VWA3B: variants seen among roughly 807,000 people sequenced by gnomAD.
VWA3B encodes the protein von Willebrand factor A domain containing 3B.
A neutral mutation model predicts 158.3 loss-of-function variants in VWA3B; 138 were observed. The observed-to-expected ratio is 0.87, with a 90% CI of 0.76 to 1.00. The LOEUF (loss-of-function observed/expected upper bound fraction) is 1.00, where lower values mean the gene tolerates loss of function less well. VWA3B is among the 50% of genes least tolerant of loss of function. The pLI is 0.00. For missense variants in VWA3B, 1,555 were observed against 1,565.1 expected (o/e 0.99, Z 0.11); for synonymous variants, 596 against 587.3 (o/e 1.01, Z -0.21).
At chr2:98,088,981 T>C (rs1460413407) in intron 1 of VWA3B, among the ~76,000 whole-genome samples, 2 of 152,146 alleles carry the variant, frequency 1.3e-5, no homozygotes, top group Admixed American at 6.5e-5. Context: ...CTCAAGCTCC[T>C]GACCTCAGGT....
chr2:98,188,763 G>C (rs933460796), intron 10 of VWA3B, among the ~76,000 whole-genome samples: 8 of 152,156 alleles, frequency 5.3e-5, no homozygotes, highest in African/African-American at 1.9e-4. Flanking sequence ...ACATTGTTAA[G>C]TCAAGGTTGC....
chr2:98,122,766 CCTT>C (rs1675064953), intron 5 of VWA3B, among the ~76,000 whole-genome samples: 2 of 152,230 alleles, frequency 1.3e-5, no homozygotes, highest in Admixed American at 6.5e-5. Context: ...CTGTTTCACT[CCTT>C]CTGGTTCGTG....
chr2:98,098,504 T>C (rs1682866685), intron 2 of VWA3B, among the ~76,000 whole-genome samples: 1 of 152,176 alleles, frequency 6.6e-6, no homozygotes, highest in African/African-American at 2.4e-5. Flanking sequence ...ACTTAAAATA[T>C]ATTTTATCTG....
At position 98,193,136 on chromosome 2, in the gene VWA3B, C is replaced by G. The variant is rs1681742092; in HGVS notation, c.1605+100C>G. On this transcript the variant is annotated intron_variant, in intron 11 of 27. Coordinates refer to ENST00000477737, the MANE Select transcript of VWA3B (RefSeq NM_144992.5). ...TTGCTCTAAAAAATTCCTAAGAAAG[C>G]CAAATTCAGAGAAGTACTCCCTTTT... 2.8e-6 allele frequency: 4 copies of G among 1,437,716 alleles called. No homozygotes were observed. The Admixed American group carries it at 9.5e-5, about 34-fold the overall frequency. The allele number at this position is 1,437,716 out of a possible 1,614,324, so 89.1% of individuals were successfully genotyped here.
intron 19 of VWA3B, 192 bp downstream of exon 19, chr2:98,236,922 C>A: frequency 1.5e-6 from 1 of 688,452 alleles, no homozygotes; most frequent in Non-Finnish European, 2.3e-6. Context: ...ATGCCTGTAA[C>A]CCCAGCACTT....
chr2:98,318,576 G>A, the VWA3B span, among the ~76,000 whole-genome samples: 2 of 152,150 alleles, frequency 1.3e-5, no homozygotes, highest in Non-Finnish European at 2.9e-5. Context: ...GTATCAGAGG[G>A]TTGAAGAGTG....
chr2:98,203,022 G>A (rs1292333518), intron 12 of VWA3B, among the ~76,000 whole-genome samples: 2 of 152,042 alleles, frequency 1.3e-5, no homozygotes, highest in East Asian at 1.9e-4. Flanking sequence ...TAGTAGAGAC[G>A]GGGTTTCTCC....
chr2:98,100,125 C>T (rs1559531583), intron 2 of VWA3B, among the ~76,000 whole-genome samples: 1 of 152,154 alleles, frequency 6.6e-6, no homozygotes, highest in South Asian at 2.1e-4. Flanking sequence ...TTTCCTGGAT[C>T]GTTCTTGATC....
chr2:98,133,635 C>A, intron 6 of VWA3B, 189 bp from the exon 7 acceptor site: 1 of 569,028 alleles, frequency 1.8e-6, no homozygotes, highest in Non-Finnish European at 3.1e-6. Flanking sequence ...ATTCACAATT[C>A]TCTGTGCTAT....
At chr2:98,309,175 AAAAAAAG>A (rs781718495) in intron 26 of VWA3B, among the ~76,000 whole-genome samples, 102 of 152,082 alleles carry the variant, frequency 6.7e-4, no homozygotes, top group Non-Finnish European at 9.4e-4. Context: ...GTCAAAAAAA[AAAAAAAG>A]AAAAAAGAAA....
At chr2:98,250,191 T>C (rs1686707055) in intron 19 of VWA3B, 127 bp from the exon 20 acceptor site, 1 of 643,928 alleles carries the variant, frequency 1.6e-6, no homozygotes, top group Non-Finnish European at 2.6e-6. Context: ...TTTCTAATGT[T>C]CTACATTTAT....
chr2:98,233,635 A>T (rs1199288797), intron 16 of VWA3B, among the ~76,000 whole-genome samples: 1 of 152,206 alleles, frequency 6.6e-6, no homozygotes, highest in Non-Finnish European at 1.5e-5. Flanking sequence ...TAGAAAAACA[A>T]TGATTACCGT....
At chr2:98,279,110 C>G (rs1474577771) in intron 22 of VWA3B, among the ~76,000 whole-genome samples, 2 of 152,110 alleles carry the variant, frequency 1.3e-5, no homozygotes, top group East Asian at 3.9e-4. Flanking sequence ...AAAATGAAGC[C>G]CTTCATTACT....
intron 20 of VWA3B, among the ~76,000 whole-genome samples, chr2:98,252,185 G>A (rs78407120): frequency 0.031 from 4,742 of 152,186 alleles, 418 homozygotes; most frequent in Admixed American, 0.17. Context: ...CTGCAGGGGC[G>A]GTGGCTTGGT....
chr2:98,206,542 C>A (rs904699169), intron 12 of VWA3B: 4 of 500,070 alleles, frequency 8.0e-6, no homozygotes, highest in African/African-American at 3.9e-5. Flanking sequence ...GTGCACCAAT[C>A]GAAAGTCCTG....
chr2:98,281,894 T>C (rs1386856786), intron 22 of VWA3B, among the ~76,000 whole-genome samples: 1 of 152,250 alleles, frequency 6.6e-6, no homozygotes, highest in African/African-American at 2.4e-5. Flanking sequence ...TGCCTGAGTC[T>C]AAACATATGT....
rs770368297 is a variant in VWA3B, at chr2:98,093,121, T to A, written c.29T>A (p.Ile10Asn). MEKSGPSST[I>N]SEQQLQRQEG... ...GAGAAATCAGGCCCATCTTCTACCA[T>A]CTCTGAGCAGCAGCTGCAGAGGCAA... The change falls in exon 2 of 28, where the codon ATC becomes AAC. Residue 10 changes from isoleucine (I) to asparagine (N), a missense_variant. Physicochemically the swap from Ile to Asn is moderately radical, Grantham distance 149. Coordinates refer to ENST00000477737, the MANE Select transcript of VWA3B (RefSeq NM_144992.5). The A allele has an allele frequency of 6.2e-7, 1 of 1,613,800 alleles. No individual in the cohort carries two copies. The highest frequency in any genetic ancestry group is 1.3e-5 in the African/African-American group (1 of 74,862).
rs1179823583 is a variant in VWA3B at position 98,246,997 on chromosome 2, T to C, written c.2674-3321T>C. On this transcript the variant is annotated intron_variant, in intron 19 of 27. Transcript: ENST00000477737. The stretch of plus-strand genomic sequence containing the variant: ...AGTGATTGTTTTAAAAGTTTTAATG[T>C]AATGACAATTTTTTTTTTGAGACAG... 5.3e-5 allele frequency among the ~76,000 whole-genome samples: 8 copies of C among 152,212 alleles called. 1 individual carries two copies. The highest frequency in any genetic ancestry group is 2.6e-4 in the Admixed American group (4 of 15,292).
intron 16 of VWA3B, among the ~76,000 whole-genome samples, chr2:98,232,879 G>C (rs1363971005): frequency 6.6e-6 from 1 of 152,114 alleles, no homozygotes; most frequent in African/African-American, 2.4e-5. Flanking sequence ...TCTCTGAGGG[G>C]AGAGTTGCAG....
Sources: allele counts gnomAD v4.1 joint callset (sites outside exome capture counted in the v4.1 genomes callset), GRCh38; gene constraint gnomAD v4.1.1; transcripts MANE v1.5; gene names NCBI Gene and HGNC (gene_info 2026-07-23, HGNC 2026-07-21).